ZFHX3: variants seen among roughly 807,000 people sequenced by gnomAD.
ZFHX3 encodes zinc finger homeobox protein 3.
Under a neutral mutation model 279.1 loss-of-function variants are expected in ZFHX3, and 42 were observed. The ratio of observed to expected loss-of-function variants is 0.15; its 90% CI spans 0.12 to 0.19. The LOEUF (loss-of-function observed/expected upper bound fraction) is 0.19, where lower values mean the gene tolerates loss of function less well. Ranked by LOEUF, ZFHX3 falls within the 10% of genes least tolerant of loss-of-function variation. The pLI is 1.00. For synonymous variants in ZFHX3, 2,293 were observed against 1,957.8 expected, an observed-to-expected ratio of 1.17 and a Z score of -4.52; for missense variants, 4,981 against 4,754.0, an observed-to-expected ratio of 1.05 and a Z score of -1.40.
intron 1 of ZFHX3, among the ~76,000 whole-genome samples, chr16:73,735,018 G>T (rs28478605): frequency 2.0e-5 from 3 of 152,044 alleles, no homozygotes; most frequent in Non-Finnish European, 4.4e-5. Flanking sequence ...ACAACTTGAA[G>T]AATATATACA....
At chr16:73,315,386 T>C (rs2015422688) in intron 4 of ZFHX3, among the ~76,000 whole-genome samples, 1 of 152,150 alleles carries the variant, frequency 6.6e-6, no homozygotes, top group Admixed American at 6.5e-5. Flanking sequence ...TATAGTAAAG[T>C]TTCTACCTTT....
At chr16:73,082,046 G>A (rs548415447) in intron 8 of ZFHX3, among the ~76,000 whole-genome samples, 2 of 151,586 alleles carry the variant, frequency 1.3e-5, no homozygotes, top group South Asian at 2.1e-4. Flanking sequence ...CATGTTGGCC[G>A]GGCTGTTCTT....
intron 8 of ZFHX3, among the ~76,000 whole-genome samples, chr16:73,081,037 C>T (rs1965937193): frequency 6.6e-6 from 1 of 152,164 alleles, no homozygotes; most frequent in African/African-American, 2.4e-5. Flanking sequence ...TACATTTCAC[C>T]TTGCTAGATT....
intron 5 of ZFHX3, among the ~76,000 whole-genome samples, chr16:73,156,678 C>T (rs1357669688): frequency 6.6e-6 from 1 of 152,082 alleles, no homozygotes; most frequent in Non-Finnish European, 1.5e-5. Flanking sequence ...ACTTTAGTCT[C>T]CCAAGTAGCT....
At chr16:73,512,716 G>C (rs556678973) in intron 2 of ZFHX3, among the ~76,000 whole-genome samples, 143 of 152,298 alleles carry the variant, frequency 9.4e-4, no homozygotes, top group African/African-American at 3.4e-3. Context: ...CACGGCAATG[G>C]TCTGTAGTAA....
At chr16:73,190,847 A>T (rs1372881662) in intron 5 of ZFHX3, among the ~76,000 whole-genome samples, 2 of 152,228 alleles carry the variant, frequency 1.3e-5, no homozygotes. Context: ...GAGTGGGGAC[A>T]TGAGGGACTA....
At chr16:73,093,933 G>T (rs1966123814) in intron 7 of ZFHX3, among the ~76,000 whole-genome samples, 1 of 152,194 alleles carries the variant, frequency 6.6e-6, no homozygotes, top group South Asian at 2.1e-4. Flanking sequence ...CTCTAGCAGG[G>T]ATGTAGCCGG....
intron 7 of ZFHX3, among the ~76,000 whole-genome samples, chr16:72,802,874 T>A (rs1217361043): frequency 6.6e-6 from 1 of 152,062 alleles, no homozygotes; most frequent in Non-Finnish European, 1.5e-5. Context: ...CATTGAGGAG[T>A]CCTTCTGCTC....
At chr16:72,820,860 A>T (rs551351349) in intron 5 of ZFHX3, among the ~76,000 whole-genome samples, 1 of 152,318 alleles carries the variant, frequency 6.6e-6, no homozygotes, top group Admixed American at 6.5e-5. Context: ...ACATAGATCA[A>T]AACCAGTCGC....
intron 1 of ZFHX3, among the ~76,000 whole-genome samples, chr16:73,725,155 T>A (rs1326282144): frequency 6.6e-6 from 1 of 152,186 alleles, no homozygotes; most frequent in Non-Finnish European, 1.5e-5. Flanking sequence ...TCAATCAAAT[T>A]TACAGCAATA....
At chr16:73,102,591 A>T (rs76079505) in intron 7 of ZFHX3, among the ~76,000 whole-genome samples, 16,644 of 152,292 alleles carry the variant, frequency 0.11, 1,270 homozygotes, top group Non-Finnish European at 0.16. Flanking sequence ...AGTCATAAGC[A>T]TAGCTAGCCT....
chr16:73,463,338 C>T (rs2018505360), intron 2 of ZFHX3, among the ~76,000 whole-genome samples: 1 of 152,178 alleles, frequency 6.6e-6, no homozygotes, highest in Non-Finnish European at 1.5e-5. Flanking sequence ...AAGCTGTGAA[C>T]AGTCACACAG....
intron 2 of ZFHX3, among the ~76,000 whole-genome samples, chr16:73,637,982 T>C (rs778001110): frequency 5.3e-5 from 8 of 152,196 alleles, no homozygotes; most frequent in Non-Finnish European, 1.0e-4. Context: ...GTCATTTTAA[T>C]CTGTCAAATT....
At chr16:73,708,446 A>G (rs557853651) in intron 1 of ZFHX3, among the ~76,000 whole-genome samples, 1 of 152,348 alleles carries the variant, frequency 6.6e-6, no homozygotes, top group South Asian at 2.1e-4. Context: ...CTATTACTCC[A>G]GAAATAATTA....
intron 3 of ZFHX3, among the ~76,000 whole-genome samples, chr16:73,322,745 A>G (rs1041574085): frequency 6.6e-6 from 1 of 152,218 alleles, no homozygotes; most frequent in African/African-American, 2.4e-5. Flanking sequence ...CTATTTACTG[A>G]ACGCCCACTA....
rs370888265 is a variant in ZFHX3, at chr16:73,197,151, G to C, written c.-1103-53320C>G. On this transcript the variant is annotated intron_variant, in intron 5 of 17. Coordinates refer to the ZFHX3 transcript ENST00000641206. ...TGCACAATATCCACTTCTAACCCCTGCTGAATAGAACTGAGTCTTGACACT... is the reference window on the plus strand; with the variant it reads ...TGCACAATATCCACTTCTAACCCCTCCTGAATAGAACTGAGTCTTGACACT... Among the ~76,000 whole-genome samples, 82 of 152,254 alleles carry C rather than the reference G, an allele frequency of 5.4e-4. No individual in the cohort carries two copies. The South Asian group carries it at 0.016, about 30-fold the overall frequency.
At chr16:73,687,663 G>A (rs2053103442) in intron 1 of ZFHX3, among the ~76,000 whole-genome samples, 1 of 151,794 alleles carries the variant, frequency 6.6e-6, no homozygotes, top group African/African-American at 2.4e-5. Flanking sequence ...CCAACATAGT[G>A]AAACCCCGTC....
intron 2 of ZFHX3, among the ~76,000 whole-genome samples, chr16:73,457,670 A>T (rs8056162): frequency 0.8 from 121,445 of 152,172 alleles, 48,619 homozygotes; most frequent in Admixed American, 0.83. Flanking sequence ...CTCTCCTGGG[A>T]AGGCTGAGGC....
chr16:72,957,320 C>G (rs1390243207), intron 2 of ZFHX3, 107 bp downstream of exon 2: 6 of 1,370,648 alleles, frequency 4.4e-6, no homozygotes, highest in South Asian at 4.3e-5. Flanking sequence ...AAAAACCACT[C>G]GAGAAGACCA....
Sources: allele counts gnomAD v4.1 joint callset (sites outside exome capture counted in the v4.1 genomes callset), GRCh38; gene constraint gnomAD v4.1.1; transcripts MANE v1.5; gene names NCBI Gene and HGNC (gene_info 2026-07-23, HGNC 2026-07-21).